Variants in CCDC178 observed in about 807,000 individuals in gnomAD.
CCDC178 encodes the protein coiled-coil domain containing 178.
In CCDC178, 126 loss-of-function variants were observed where a neutral mutation model predicts 117.4. The observed-to-expected ratio is 1.07, with a 90% CI of 0.93 to 1.24. The LOEUF is 1.24. Ranked by LOEUF, CCDC178 falls within the 50% of genes most tolerant of loss-of-function variation. The probability of loss-of-function intolerance (pLI) is 0.00; values close to 1 mark genes in which losing one functional copy is unlikely to be tolerated. For missense variants in CCDC178, 1,030 were observed against 986.9 expected (o/e 1.04, Z -0.59); for synonymous variants, 283 against 313.4 (o/e 0.90, Z 1.02).
chr18:33,021,716 G>A (rs2056122053), intron 21 of CCDC178, among the ~76,000 whole-genome samples: 1 of 150,272 alleles, frequency 6.7e-6, no homozygotes, highest in Non-Finnish European at 1.5e-5. Context: ...TGCTACAATT[G>A]CTCTCAGGGA....
chr18:33,303,053 G>A (rs904728158), intron 11 of CCDC178, among the ~76,000 whole-genome samples: 4 of 152,278 alleles, frequency 2.6e-5, no homozygotes, highest in African/African-American at 9.6e-5. Context: ...TGTGATAATA[G>A]ATATGCCAGT....
At chr18:33,438,401 G>A (rs971476451) in intron 2 of CCDC178, among the ~76,000 whole-genome samples, 4 of 152,072 alleles carry the variant, frequency 2.6e-5, no homozygotes, top group Admixed American at 1.3e-4. Context: ...CCTTCCTCTA[G>A]CAAGATCTGA....
intron 21 of CCDC178, among the ~76,000 whole-genome samples, chr18:33,035,377 G>C (rs1351436608): frequency 6.6e-6 from 1 of 151,950 alleles, no homozygotes; most frequent in Non-Finnish European, 1.5e-5. Context: ...TAAGAAAAAT[G>C]AATGGATAAA....
At chr18:33,162,774 T>C (rs2058482489) in intron 20 of CCDC178, among the ~76,000 whole-genome samples, 3 of 152,238 alleles carry the variant, frequency 2.0e-5, no homozygotes. Context: ...CATTCTTTTT[T>C]ATGGATGCAT....
chr18:33,389,203 T>G (rs562000816), intron 5 of CCDC178, among the ~76,000 whole-genome samples: 1 of 152,226 alleles, frequency 6.6e-6, no homozygotes, highest in East Asian at 1.9e-4. Flanking sequence ...AAAACATTTG[T>G]CTTCTTTCTT....
chr18:33,102,186 G>C (rs964854550), intron 20 of CCDC178, among the ~76,000 whole-genome samples: 2 of 151,644 alleles, frequency 1.3e-5, no homozygotes, highest in African/African-American at 2.4e-5. Flanking sequence ...TGAGGAAATA[G>C]GGGCAACGGA....
At chr18:33,109,994 T>C (rs1205839870) in intron 20 of CCDC178, among the ~76,000 whole-genome samples, 1 of 151,184 alleles carries the variant, frequency 6.6e-6, no homozygotes, top group Non-Finnish European at 1.5e-5. Context: ...CTCTAGTTGA[T>C]AGCGCCAACA....
At chr18:33,013,320 A>G (rs1054223542) in intron 21 of CCDC178, among the ~76,000 whole-genome samples, 13 of 152,146 alleles carry the variant, frequency 8.5e-5, no homozygotes, top group African/African-American at 3.1e-4. Context: ...TTTGCTGGGT[A>G]TGGACACTAT....
intron 8 of CCDC178, 60 bp downstream of exon 8, chr18:33,348,830 A>T: frequency 9.9e-7 from 1 of 1,012,396 alleles, no homozygotes; most frequent in Non-Finnish European, 1.5e-6. Context: ...GAAATATATT[A>T]AATGAAGTCA....
At chr18:33,190,516 T>C (rs2058844587) in intron 20 of CCDC178, among the ~76,000 whole-genome samples, 1 of 152,172 alleles carries the variant, frequency 6.6e-6, no homozygotes, top group South Asian at 2.1e-4. Context: ...GGGTAATACT[T>C]TTCGTAATTA....
intron 20 of CCDC178, among the ~76,000 whole-genome samples, chr18:33,147,141 CTTT>C (rs963180337): frequency 8.5e-6 from 1 of 117,368 alleles, no homozygotes; most frequent in Non-Finnish European, 1.8e-5. Flanking sequence ...TAGCTGATTT[CTTT>C]TTTTTTTTTT....
intron 21 of CCDC178, among the ~76,000 whole-genome samples, chr18:33,059,856 C>T (rs1261565714): frequency 1.3e-5 from 2 of 152,112 alleles, no homozygotes; most frequent in East Asian, 1.9e-4. Flanking sequence ...CAATGTCTTC[C>T]CATTGTCTGT....
At chr18:33,016,916 C>T (rs917822414) in intron 21 of CCDC178, among the ~76,000 whole-genome samples, 17 of 151,772 alleles carry the variant, frequency 1.1e-4, no homozygotes, top group Admixed American at 6.6e-4. Context: ...TTTGGCAATG[C>T]TTAATGAAAA....
chr18:33,251,141 T>C (rs531800950), intron 14 of CCDC178, among the ~76,000 whole-genome samples: 4 of 151,628 alleles, frequency 2.6e-5, no homozygotes, highest in African/African-American at 9.6e-5. Flanking sequence ...ACAAAAAAAA[T>C]AGAAAGAGAT....
At chr18:33,407,486 C>T (rs1354568499) in intron 3 of CCDC178, among the ~76,000 whole-genome samples, 1 of 151,770 alleles carries the variant, frequency 6.6e-6, no homozygotes, top group Admixed American at 6.6e-5. Context: ...ACAGATAATC[C>T]AAAAGTTTTG....
intron 2 of CCDC178, among the ~76,000 whole-genome samples, chr18:33,434,285 A>G (rs1306132264): frequency 6.6e-6 from 1 of 152,170 alleles, no homozygotes; most frequent in African/African-American, 2.4e-5. Context: ...GAATAAGAAA[A>G]TCAAAAATAA....
chr18:33,120,195 G>GA (rs35478965), intron 20 of CCDC178, among the ~76,000 whole-genome samples: 16 of 146,886 alleles, frequency 1.1e-4, no homozygotes, highest in Middle Eastern at 3.5e-3. Context: ...AATAAAGAAA[G>GA]AAAAAAAAAA....
At chr18:33,286,517 A>C (rs989506459) in intron 12 of CCDC178, among the ~76,000 whole-genome samples, 1 of 152,186 alleles carries the variant, frequency 6.6e-6, no homozygotes, top group Non-Finnish European at 1.5e-5. Flanking sequence ...AATTTGCTTA[A>C]TTTGAAAATT....
At chr18:33,281,527 G>A (rs1056039059) in intron 12 of CCDC178, among the ~76,000 whole-genome samples, 17 of 152,036 alleles carry the variant, frequency 1.1e-4, no homozygotes, top group Non-Finnish European at 2.4e-4. Context: ...ATTAAAGGGT[G>A]AACATAGTAC....
Sources: gnomAD v4.1 joint callset for allele counts (sites outside exome capture counted in the v4.1 genomes callset) on GRCh38, gnomAD v4.1.1 for gene constraint, MANE v1.5 for transcripts, NCBI Gene and HGNC (gene_info 2026-07-23, HGNC 2026-07-21) for gene names.